SMAP1: variants seen among roughly 807,000 people sequenced by gnomAD.
SMAP1 encodes small ArfGAP 1, also known as stromal membrane-associated protein 1.
SMAP1 carries 24 observed loss-of-function variants against 58.5 expected under a neutral mutation model. The observed-to-expected ratio is 0.41, with a 90% CI of 0.30 to 0.58. SMAP1 has a LOEUF of 0.58. SMAP1 is among the 20% of genes least tolerant of loss of function. The pLI is 0.29. For missense variants in SMAP1, 563 were observed against 566.3 expected (o/e 0.99, Z 0.06); for synonymous variants, 216 against 196.6 (o/e 1.10, Z -0.82).
chr6:70,763,126 T>G (rs1342246286), intron 3 of SMAP1, among the ~76,000 whole-genome samples: 1 of 148,704 alleles, frequency 6.7e-6, no homozygotes, highest in East Asian at 1.9e-4. Flanking sequence ...TTTTTTTTTT[T>G]TTTTACGAAT....
intron 8 of SMAP1, among the ~76,000 whole-genome samples, chr6:70,855,415 CTACTA>C (rs1188106463): frequency 6.6e-6 from 1 of 152,150 alleles, no homozygotes; most frequent in East Asian, 1.9e-4. Flanking sequence ...TTAGGCTGCT[CTACTA>C]TGAGAGTGGA....
chr6:70,827,356 A>C (rs1562188915), intron 6 of SMAP1, among the ~76,000 whole-genome samples: 1 of 152,244 alleles, frequency 6.6e-6, no homozygotes, highest in Non-Finnish European at 1.5e-5. Flanking sequence ...AAATGTACCC[A>C]AACTTAACTG....
chr6:70,714,965 C>A (rs1258065736), intron 1 of SMAP1, among the ~76,000 whole-genome samples: 1 of 152,014 alleles, frequency 6.6e-6, no homozygotes, highest in Non-Finnish European at 1.5e-5. Flanking sequence ...GCTGAAAAAT[C>A]TAATAAGAAA....
At chr6:70,785,707 A>G (rs1348320919) in intron 4 of SMAP1, among the ~76,000 whole-genome samples, 2 of 152,238 alleles carry the variant, frequency 1.3e-5, no homozygotes, top group African/African-American at 4.8e-5. Context: ...TCTAGAAGAA[A>G]TGGATAAATT....
At chr6:70,769,290 A>T (rs200081682) in intron 3 of SMAP1, among the ~76,000 whole-genome samples, 178 of 152,248 alleles carry the variant, frequency 1.2e-3, no homozygotes, top group African/African-American at 4.0e-3. Context: ...AGCTGAGTTC[A>T]ATTCCTGGGT....
intron 1 of SMAP1, among the ~76,000 whole-genome samples, chr6:70,719,498 A>G (rs1379190484): frequency 6.6e-6 from 1 of 152,184 alleles, no homozygotes; most frequent in African/African-American, 2.4e-5. Flanking sequence ...TCCTTTATAT[A>G]TGTGTACAAA....
chr6:70,837,892 T>A, intron 7 of SMAP1: 1 of 1,196,588 alleles, frequency 8.4e-7, no homozygotes, highest in Non-Finnish European at 1.1e-6. Context: ...TTGAATAAAT[T>A]GTTGTCTGTT....
At chr6:70,829,593 G>A (rs771337137) in intron 6 of SMAP1, among the ~76,000 whole-genome samples, 1 of 152,120 alleles carries the variant, frequency 6.6e-6, no homozygotes, top group South Asian at 2.1e-4. Flanking sequence ...AGCCACTTAC[G>A]GAGCCTTTGG....
chr6:70,782,585 C>T (rs1306801362), intron 4 of SMAP1, among the ~76,000 whole-genome samples: 1 of 152,180 alleles, frequency 6.6e-6, no homozygotes, highest in African/African-American at 2.4e-5. Flanking sequence ...ACATCGGACT[C>T]CAAGTTCTTT....
intron 6 of SMAP1, among the ~76,000 whole-genome samples, chr6:70,799,246 A>G (rs1214105128): frequency 6.6e-6 from 1 of 152,212 alleles, no homozygotes; most frequent in Non-Finnish European, 1.5e-5. Flanking sequence ...GTCTATGTAT[A>G]GAAACTAGTG....
chr6:70,703,493 A>T (rs1767720585), intron 1 of SMAP1, among the ~76,000 whole-genome samples: 1 of 152,164 alleles, frequency 6.6e-6, no homozygotes, highest in African/African-American at 2.4e-5. Flanking sequence ...AAATAGCCTG[A>T]CTTTTTCAGA....
chr6:70,796,002 T>C (rs1768590731), intron 5 of SMAP1, among the ~76,000 whole-genome samples: 1 of 152,200 alleles, frequency 6.6e-6, no homozygotes, highest in Admixed American at 6.5e-5. Flanking sequence ...GTGCTGGGAT[T>C]ACAGGCATGA....
intron 3 of SMAP1, among the ~76,000 whole-genome samples, chr6:70,766,225 T>TA (rs1766979289): frequency 6.6e-6 from 1 of 152,252 alleles, no homozygotes; most frequent in East Asian, 1.9e-4. Context: ...TCTGTCTTTA[T>TA]AGCAGCATGA....
chr6:70,725,125 TTTTTTTTTTG>T, intron 1 of SMAP1, among the ~76,000 whole-genome samples: 1 of 107,470 alleles, frequency 9.3e-6, no homozygotes, highest in Non-Finnish European at 1.9e-5. Context: ...TTTTTTTTTT[TTTTTTTTTTG>T]AGACGGAGTC....
At chr6:70,695,170 A>G (rs1037050009) in intron 1 of SMAP1, among the ~76,000 whole-genome samples, 3 of 152,124 alleles carry the variant, frequency 2.0e-5, no homozygotes, top group African/African-American at 7.2e-5. Flanking sequence ...TGTTTATTCT[A>G]GTAGTTTTTT....
intron 6 of SMAP1, among the ~76,000 whole-genome samples, chr6:70,813,956 G>A (rs1769502089): frequency 6.6e-6 from 1 of 152,048 alleles, no homozygotes; most frequent in Non-Finnish European, 1.5e-5. Context: ...TCATCTGGTA[G>A]CATTTAACTG....
At chr6:70,772,293 T>C (rs1767361911) in intron 3 of SMAP1, among the ~76,000 whole-genome samples, 1 of 152,314 alleles carries the variant, frequency 6.6e-6, no homozygotes, top group East Asian at 1.9e-4. Flanking sequence ...CAACTGTCAT[T>C]TTAAAAGGCT....
intron 10 of SMAP1, chr6:70,858,737 G>GC (rs1174447267): frequency 6.5e-6 from 1 of 153,070 alleles, no homozygotes; most frequent in Non-Finnish European, 1.5e-5. Flanking sequence ...GATGATTACT[G>GC]CCCCATGGCT....
intron 2 of SMAP1, among the ~76,000 whole-genome samples, chr6:70,736,017 G>A (rs944920111): frequency 2.0e-5 from 3 of 152,106 alleles, no homozygotes; most frequent in Non-Finnish European, 2.9e-5. Context: ...GTGTGTGTGT[G>A]TGTGTATAAT....
Sources: allele counts gnomAD v4.1 joint callset (sites outside exome capture counted in the v4.1 genomes callset), GRCh38; gene constraint gnomAD v4.1.1; transcripts MANE v1.5; gene names NCBI Gene and HGNC (gene_info 2026-07-23, HGNC 2026-07-21).